Variants in TEX19 observed in about 807,000 individuals in gnomAD.
TEX19 encodes the protein testis-expressed protein 19.
For missense variants in TEX19, 184 were observed against 194.4 expected, an observed-to-expected ratio of 0.95 and a Z score of 0.32; for synonymous variants, 77 against 73.9, an observed-to-expected ratio of 1.04 and a Z score of -0.21.
chr17:82,359,776 TCCCTCAGTTTCCCTCAAGTTC>T, intron 1 of TEX19, among the ~76,000 whole-genome samples: 1 of 127,770 alleles, frequency 7.8e-6, no homozygotes, highest in Non-Finnish European at 1.7e-5. Context: ...TCCCTCAGGT[TCCCTCAGTTTCCCTCAAGTTC>T]CCCTCAGTTT....
At chr17:82,359,825 G>GTTCCCTCAGT (rs2052365683) in intron 1 of TEX19, among the ~76,000 whole-genome samples, 1 of 84,564 alleles carries the variant, frequency 1.2e-5, no homozygotes. Context: ...TTTCCCTCAG[G>GTTCCCTCAGT]TTCCCCCAGT....
At chr17:82,360,864 C>T (rs376254193) in intron 1 of TEX19, among the ~76,000 whole-genome samples, 25 of 107,950 alleles carry the variant, frequency 2.3e-4, no homozygotes, top group South Asian at 3.3e-4. Context: ...TCAGGTTCCC[C>T]CAGTTTCCCT....
chr17:82,362,429 G>C lies in TEX19; in HGVS notation c.279G>C (p.Gly93=). 1.2e-6 allele frequency: 2 copies of C among 1,612,876 alleles called. No homozygotes were observed. The highest frequency in any genetic ancestry group is 1.7e-4 in the Middle Eastern group (1 of 6,060). Residue 93 remains glycine (G), a synonymous_variant, in exon 2 of 2, where the codon GGG becomes GGC. Transcript: ENST00000333437. The surrounding 1 kb of genome is among the most constrained non-coding windows in gnomAD (Gnocchi z 5.5). ...WGQSPGQPVQ[G]GSEAWGPGTL... ...AGAGCCCAGGACAGCCTGTGCAGGGGGGCTCTGAGGCATGGGGGCCAGGGA... is the reference window on the plus strand; with the variant it reads ...AGAGCCCAGGACAGCCTGTGCAGGGCGGCTCTGAGGCATGGGGGCCAGGGA...
chr17:82,362,720 C>A lies in TEX19; in HGVS notation c.*75C>A. The A allele has an allele frequency of 6.7e-7, 1 of 1,500,092 alleles. No homozygotes were observed. The highest frequency in any genetic ancestry group is 1.4e-5 in the South Asian group (1 of 72,076). 92.9% of individuals were successfully genotyped at this position (1,500,092 alleles called of 1,614,324 possible). On this transcript the variant is annotated 3_prime_UTR_variant, in exon 2 of 2. Coordinates refer to ENST00000333437, the MANE Select transcript of TEX19 (RefSeq NM_207459.4). The surrounding 1 kb of genome is among the most constrained non-coding windows in gnomAD (Gnocchi z 5.5). Reference sequence around the variant, plus strand: ...AGCTGGGCATTACCTGGGCAGTGGACCCTGCCGAGGCTGAGGCCTAGTTAC... The same window carrying A: ...AGCTGGGCATTACCTGGGCAGTGGAACCTGCCGAGGCTGAGGCCTAGTTAC...
Position 82,362,580 on chromosome 17 carries a change from G to T in TEX19, c.430G>T (p.Gly144Cys), listed in dbSNP as rs771614199. ...CCTTGAGGATGCTGACTGGACCCAG[G>T]GTCTTCCCTGGAGATTTGAGGAGCT... is the stretch of plus-strand genomic sequence containing the variant. ...LGLEDADWTQ[G>C]LPWRFEELLT... The change falls in exon 2 of 2, where the codon GGT becomes TGT. Residue 144 changes from glycine (G) to cysteine (C), a missense_variant. Gly to Cys is a radical substitution (Grantham distance 159). Coordinates refer to ENST00000333437, the MANE Select transcript of TEX19 (RefSeq NM_207459.4). The surrounding 1 kb of genome is among the most constrained non-coding windows in gnomAD (Gnocchi z 5.5). 1 of 1,600,516 alleles carries T rather than the reference G, an allele frequency of 6.2e-7. No individual in the cohort carries two copies. Among genetic ancestry groups the T allele is most frequent in the African/African-American group, 1.3e-5 (1 of 74,236 alleles).
Position 82,362,558 on chromosome 17 carries a change from TG to T in TEX19, c.409del (p.Glu137ArgfsTer45), listed in dbSNP as rs1256251992. The T allele has an allele frequency of 4.3e-6, 7 of 1,611,138 alleles. No homozygotes were observed. Among genetic ancestry groups the T allele is most frequent in the Non-Finnish European group, 5.9e-6 (7 of 1,179,292 alleles). On this transcript the variant is annotated frameshift_variant, in exon 2 of 2. Transcript: ENST00000333437. LOFTEE classifies it low-confidence loss of function (END_TRUNC). This position sits in a 1 kb window ranked among gnomAD's most constrained non-coding sequence, Gnocchi z 5.5. ...AGGCTGTGCCCCTGGGCCTGGGCCTTGAGGATGCTGACTGGACCCAGGGTCT... is the reference window on the plus strand; with the variant it reads ...AGGCTGTGCCCCTGGGCCTGGGCCTTAGGATGCTGACTGGACCCAGGGTCT... ...QEAVPLGLGL[E>X]DADWTQGLPW...
rs113265042 is a variant in TEX19, at chr17:82,362,499, C to T, written c.349C>T (p.Pro117Ser). 11 of 1,612,942 alleles carry T rather than the reference C, an allele frequency of 6.8e-6. No individual in the cohort carries two copies. The highest frequency in any genetic ancestry group is 6.7e-5 in the African/African-American group (5 of 75,056). Residue 117 changes from proline (P) to serine (S), a missense_variant, in exon 2 of 2, where the codon CCC becomes TCC. Physicochemically the swap from Pro to Ser is moderately conservative, Grantham distance 74 (BLOSUM62 -1). Coordinates refer to ENST00000333437, the MANE Select transcript of TEX19 (RefSeq NM_207459.4). This position sits in a 1 kb window ranked among gnomAD's most constrained non-coding sequence, Gnocchi z 5.5. ...AGGGTTGGAAGATGCAGGTCTGGAC[C>T]CCCACTTTGTCCCCACTGAACTATG... is the stretch of plus-strand genomic sequence containing the variant. ...PEGLEDAGLD[P>S]HFVPTELWPQ...
intron 1 of TEX19, among the ~76,000 whole-genome samples, chr17:82,361,448 A>G (rs1382468427): frequency 8.2e-6 from 1 of 121,420 alleles, no homozygotes; most frequent in Non-Finnish European, 1.7e-5. Context: ...AGTTTCCCCC[A>G]GTTTCCCTCA....
Position 82,362,098 on chromosome 17 carries a change from T to G in TEX19, c.-53T>G, listed in dbSNP as rs1263429034. 2 of 1,558,020 alleles carry G rather than the reference T, an allele frequency of 1.3e-6. No homozygotes were observed. Among genetic ancestry groups the G allele is most frequent in the East Asian group, 2.2e-5 (1 of 44,672 alleles). ...CCTGTGGCCAGACCGTCCAAGATCCTCTGAAGGCCCAGCTCTTGCTGTCCA... is the reference window on the plus strand; with the variant it reads ...CCTGTGGCCAGACCGTCCAAGATCCGCTGAAGGCCCAGCTCTTGCTGTCCA... On this transcript the variant is annotated 5_prime_UTR_variant, in exon 2 of 2. Transcript: ENST00000333437. The surrounding 1 kb of genome is among the most constrained non-coding windows in gnomAD (Gnocchi z 5.5).
At position 82,362,567 on chromosome 17, in the gene TEX19, T is replaced by C. The variant is rs747374466; in HGVS notation, c.417T>C (p.Ala139=). ...AVPLGLGLED[A]DWTQGLPWRF... is the part of the protein sequence containing the mutation. ...CCCTGGGCCTGGGCCTTGAGGATGC[T>C]GACTGGACCCAGGGTCTTCCCTGGA... Residue 139 remains alanine (A), a synonymous_variant, in exon 2 of 2, where the codon GCT becomes GCC. Coordinates refer to ENST00000333437, the MANE Select transcript of TEX19 (RefSeq NM_207459.4). The surrounding 1 kb of genome is among the most constrained non-coding windows in gnomAD (Gnocchi z 5.5). 5 of 1,609,120 alleles carry C rather than the reference T, an allele frequency of 3.1e-6. No homozygotes were observed. In the South Asian group the frequency reaches 4.4e-5, roughly 14 times the overall value.
rs1038420378 is a variant in TEX19 at position 82,361,713 on chromosome 17, C to T, written c.-271-167C>T. 1.0e-5 allele frequency: 10 copies of T among 985,204 alleles called. No homozygotes were observed. In the Admixed American group the frequency reaches 4.9e-4, roughly 49 times the overall value. The allele number at this position is 985,204 out of a possible 1,614,324, so 61.0% of individuals were successfully genotyped here. On this transcript the variant is annotated intron_variant, in intron 1 of 1. Coordinates refer to ENST00000333437, the MANE Select transcript of TEX19 (RefSeq NM_207459.4). ...GGGTGGCTGATGAGCCCGGGGAGGT[C>T]GGATGGAGGAACTGAAGGCCTCCCA...
In TEX19 at chr17:82,361,580, G is replaced by T. The variant is rs1175587439; in HGVS notation, c.-271-300G>T. On this transcript the variant is annotated intron_variant, in intron 1 of 1. Transcript: ENST00000333437. ...CTCAGGTTCCCCCAGTTTCCTTCAG[G>T]TTCCCTCAATTTCCATCAGGTCCCC... 3 of 978,048 alleles carry T rather than the reference G, an allele frequency of 3.1e-6. No homozygotes were observed. In the East Asian group the frequency reaches 3.4e-4, roughly 111 times the overall value. 60.6% of individuals were successfully genotyped at this position (978,048 alleles called of 1,614,324 possible). A position where few individuals can be genotyped will look rare whatever the true frequency, so the allele number is the denominator to read the frequency against.
intron 1 of TEX19, among the ~76,000 whole-genome samples, chr17:82,360,406 C>T (rs2052375904): frequency 2.0e-5 from 2 of 102,120 alleles, no homozygotes; most frequent in African/African-American, 9.0e-5. Context: ...CCCCCAGTTT[C>T]CCTCAGGTTC....
In TEX19 at chr17:82,359,297, CGAGGAGGGGTCTCT is replaced by C. The variant is rs1054051527; in HGVS notation, c.-272+26_-272+39del. ...GAGACACCAGGATGGTGAGATCTCC[CGAGGAGGGGTCTCT>C]GAGGAGGGGTCTCGGAGACACGGCC... On this transcript the variant is annotated intron_variant, in intron 1 of 1. Transcript: ENST00000333437. 2 of 152,312 alleles carry C rather than the reference CGAGGAGGGGTCTCT, an allele frequency of 1.3e-5. No individual in the cohort carries two copies. The highest frequency in any genetic ancestry group is 2.4e-5 in the African/African-American group (1 of 41,542). 9.4% of individuals were successfully genotyped at this position (152,312 alleles called of 1,614,324 possible). A position where few individuals can be genotyped will look rare whatever the true frequency, so the allele number is the denominator to read the frequency against.
At chr17:82,360,391 A>G (rs1457639597) in intron 1 of TEX19, among the ~76,000 whole-genome samples, 2 of 69,014 alleles carry the variant, frequency 2.9e-5, no homozygotes, top group East Asian at 1.0e-3. Flanking sequence ...AGTTTCCCTC[A>G]GGTTCCCCCA....
At chr17:82,359,748 C>G (rs1417401768) in intron 1 of TEX19, among the ~76,000 whole-genome samples, 2 of 130,360 alleles carry the variant, frequency 1.5e-5, no homozygotes, top group African/African-American at 3.0e-5. Context: ...CCTCAGGTTC[C>G]CTCAGTTTCC....
chr17:82,360,838 TTTCCCCCAGTTTCCCTCAGG>T (rs1567853399), intron 1 of TEX19, among the ~76,000 whole-genome samples: 4 of 113,488 alleles, frequency 3.5e-5, no homozygotes, highest in African/African-American at 6.8e-5. Flanking sequence ...GTTCCCTCAG[TTTCCCCCAGTTTCCCTCAGG>T]TTCCCCCAGT....
Position 82,360,207 on chromosome 17 carries a change from C to T in TEX19, c.-272+922C>T, listed in dbSNP as rs867039511. The stretch of plus-strand genomic sequence containing the variant: ...TTCCCCCAGTTTCCCCCAGGTTCCC[C>T]CAGTTTCCCCCAGTTTCCCTCAAGT... On this transcript the variant is annotated intron_variant, in intron 1 of 1. Coordinates refer to ENST00000333437, the MANE Select transcript of TEX19 (RefSeq NM_207459.4). 8.7e-3 allele frequency among the ~76,000 whole-genome samples: 395 copies of T among 45,276 alleles called. 2 individuals are homozygous for T. The highest frequency in any genetic ancestry group is 0.012 in the Non-Finnish European group (282 of 22,636). 29.7% of individuals were successfully genotyped at this position (45,276 alleles called of 152,430 possible).
At chr17:82,360,878 G>GTTCCCTCAGT (rs2052383449) in intron 1 of TEX19, among the ~76,000 whole-genome samples, 1 of 60,094 alleles carries the variant, frequency 1.7e-5, no homozygotes, top group African/African-American at 6.9e-5. Context: ...TTTCCCTCAG[G>GTTCCCTCAGT]TTCCCTCAGT....
Sources: gnomAD v4.1 joint callset for allele counts (sites outside exome capture counted in the v4.1 genomes callset) on GRCh38, gnomAD v4.1.1 for gene constraint, Gnocchi (gnomAD v3.1) non-coding constraint, MANE v1.5 for transcripts, NCBI Gene and HGNC (gene_info 2026-07-23, HGNC 2026-07-21) for gene names.